Variants in MVB12B observed in about 807,000 individuals in gnomAD.
The protein encoded by MVB12B is ESCRT-I complex subunit MVB12B.
A neutral mutation model predicts 41.6 loss-of-function variants in MVB12B; 16 were observed. The ratio of observed to expected loss-of-function variants is 0.38; its 90% confidence interval spans 0.26 to 0.58. The LOEUF is 0.58. Among genes scored for constraint, MVB12B ranks in the 20% least tolerant of loss-of-function variants. MVB12B has a pLI of 0.62. For missense variants in MVB12B, 274 were observed against 380.2 expected (o/e 0.72, Z 2.32); for synonymous variants, 133 against 139.7 (o/e 0.95, Z 0.34).
intron 2 of MVB12B, among the ~76,000 whole-genome samples, chr9:126,366,185 G>A (rs918644994): frequency 6.6e-6 from 1 of 151,636 alleles, no homozygotes; most frequent in East Asian, 1.9e-4. Context: ...CACCATCTTT[G>A]TATGCCCTAC....
intron 6 of MVB12B, among the ~76,000 whole-genome samples, chr9:126,410,560 A>C (rs1286392837): frequency 6.6e-6 from 1 of 152,138 alleles, no homozygotes; most frequent in Non-Finnish European, 1.5e-5. Flanking sequence ...CATAGTCCTA[A>C]ATAATTACAG....
At chr9:126,501,771 CCCT>C (rs1196636336) in intron 9 of MVB12B, among the ~76,000 whole-genome samples, 1 of 152,210 alleles carries the variant, frequency 6.6e-6, no homozygotes, top group East Asian at 1.9e-4. Context: ...AGCCCTGCGG[CCCT>C]CCTCGCTCAT....
At chr9:126,439,738 A>G (rs1199036761) in intron 7 of MVB12B, among the ~76,000 whole-genome samples, 1 of 152,262 alleles carries the variant, frequency 6.6e-6, no homozygotes, top group Non-Finnish European at 1.5e-5. Context: ...AAGAGAATGC[A>G]TAAATCAGAG....
chr9:126,503,350 C>A lies in MVB12B; in HGVS notation c.*87C>A. ...TGCCCCCGCCTCCTCCTGCCGCCTC[C>A]GCCAGCCCTCCCTCCCACACTGCCC... On this transcript the variant is annotated 3_prime_UTR_variant, in exon 10 of 10. Coordinates refer to ENST00000361171, the MANE Select transcript of MVB12B (RefSeq NM_033446.3). 9.1e-7 allele frequency: 1 copy of A among 1,100,784 alleles called. No individual in the cohort carries two copies. Among genetic ancestry groups the A allele is most frequent in the Non-Finnish European group, 1.3e-6 (1 of 761,706 alleles). 68.2% of individuals were successfully genotyped at this position (1,100,784 alleles called of 1,614,324 possible).
chr9:126,442,091 G>A (rs1367002279), intron 7 of MVB12B, among the ~76,000 whole-genome samples: 1 of 152,130 alleles, frequency 6.6e-6, no homozygotes, highest in African/African-American at 2.4e-5. Context: ...TATATCCCTT[G>A]AATCTGAGAT....
intron 1 of MVB12B, among the ~76,000 whole-genome samples, chr9:126,330,883 C>G (rs1272065436): frequency 6.6e-6 from 1 of 152,008 alleles, no homozygotes; most frequent in East Asian, 1.9e-4. Flanking sequence ...TTGTGACTGG[C>G]TTGTTTAGTT....
chr9:126,499,079 T>C (rs1833895553), intron 9 of MVB12B, among the ~76,000 whole-genome samples: 1 of 152,196 alleles, frequency 6.6e-6, no homozygotes, highest in Non-Finnish European at 1.5e-5. Flanking sequence ...GTAGGTTCTA[T>C]TGCCCCCTCT....
In MVB12B at chr9:126,376,505, C is replaced by G; in HGVS notation, c.205-4559C>G. 7.8e-7 allele frequency: 1 copy of G among 1,289,126 alleles called. No homozygotes were observed. Among genetic ancestry groups the G allele is most frequent in the African/African-American group, 1.5e-5 (1 of 65,966 alleles). The allele number at this position is 1,289,126 out of a possible 1,614,324, so 79.9% of individuals were successfully genotyped here. A position where few individuals can be genotyped will look rare whatever the true frequency, so the allele number is the denominator to read the frequency against. ...GGTGGGGGGCCTGCTGGCTGGTGTG[C>G]TACACAGTGGGGCGACGAGCAGGGA... is the stretch of plus-strand genomic sequence containing the variant. On this transcript the variant is annotated intron_variant, in intron 2 of 9. Transcript: ENST00000361171. This position sits in a 1 kb window ranked among gnomAD's most constrained non-coding sequence, Gnocchi z 4.1.
In MVB12B at chr9:126,395,855, T is replaced by G; in HGVS notation, c.662+158T>G. 1 of 1,434,588 alleles carries G rather than the reference T, an allele frequency of 7.0e-7. No individual in the cohort carries two copies. The highest frequency in any genetic ancestry group is 1.5e-5 in the South Asian group (1 of 65,206). The allele number at this position is 1,434,588 out of a possible 1,614,324, so 88.9% of individuals were successfully genotyped here. A position where few individuals can be genotyped will look rare whatever the true frequency, so the allele number is the denominator to read the frequency against. On this transcript the variant is annotated intron_variant, in intron 6 of 9. Transcript: ENST00000361171. The surrounding 1 kb of genome is among the most constrained non-coding windows in gnomAD (Gnocchi z 4.9). ...TTAGAGGAGATTTTTAAAAATCCAC[T>G]TGGAAATCTTTGCATTACATGAATG... is the stretch of plus-strand genomic sequence containing the variant.
intron 2 of MVB12B, among the ~76,000 whole-genome samples, chr9:126,377,567 G>A (rs1462704251): frequency 2.6e-5 from 4 of 152,074 alleles, no homozygotes; most frequent in African/African-American, 2.4e-5. Context: ...TTTTCACACT[G>A]CCCTGATTGC....
At chr9:126,492,266 T>G (rs1564350746) in intron 9 of MVB12B, among the ~76,000 whole-genome samples, 1 of 150,750 alleles carries the variant, frequency 6.6e-6, no homozygotes, top group Non-Finnish European at 1.5e-5. Context: ...TTGTTCCCTT[T>G]TATGATTATG....
In MVB12B at chr9:126,478,569, G is replaced by A. The variant is rs999124506; in HGVS notation, c.758-2800G>A. 1.3e-5 allele frequency among the ~76,000 whole-genome samples: 2 copies of A among 152,210 alleles called. No individual in the cohort carries two copies. Among genetic ancestry groups the A allele is most frequent in the Non-Finnish European group, 2.9e-5 (2 of 68,032 alleles). The stretch of plus-strand genomic sequence containing the variant: ...ACTGGGAAGGACAGTTGAGGTACAA[G>A]CATAGAGGGAGGGAAGGGATGGGTA... On this transcript the variant is annotated intron_variant, in intron 7 of 9. Transcript: ENST00000361171. The surrounding 1 kb of genome is among the most constrained non-coding windows in gnomAD (Gnocchi z 4.2).
rs1231489677 is a variant in MVB12B at position 126,392,747 on chromosome 9, A to C, written c.539+552A>C. On this transcript the variant is annotated intron_variant, in intron 5 of 9. Coordinates refer to ENST00000361171, the MANE Select transcript of MVB12B (RefSeq NM_033446.3). The surrounding 1 kb of genome is among the most constrained non-coding windows in gnomAD (Gnocchi z 4.8). ...ACACTTGAGCAGAGACCTGAATGTCAGGAAACCAGCCATGCACAGATGTGA... is the reference window on the plus strand; with the variant it reads ...ACACTTGAGCAGAGACCTGAATGTCCGGAAACCAGCCATGCACAGATGTGA... 6.6e-6 allele frequency among the ~76,000 whole-genome samples: 1 copy of C among 152,250 alleles called. No individual in the cohort carries two copies. Among genetic ancestry groups the C allele is most frequent in the African/African-American group, 2.4e-5 (1 of 41,474 alleles).
chr9:126,366,140 C>T (rs985455415), intron 2 of MVB12B, among the ~76,000 whole-genome samples: 3 of 151,958 alleles, frequency 2.0e-5, no homozygotes, highest in African/African-American at 7.3e-5. Flanking sequence ...ATGCGGCCTC[C>T]GCCACCCTCC....
chr9:126,451,707 G>A (rs1224756914), intron 7 of MVB12B, among the ~76,000 whole-genome samples: 1 of 152,150 alleles, frequency 6.6e-6, no homozygotes, highest in African/African-American at 2.4e-5. Flanking sequence ...AGCAGGAAGA[G>A]AGGAGGCACA....
At chr9:126,370,235 C>T (rs1830297701) in intron 2 of MVB12B, among the ~76,000 whole-genome samples, 1 of 152,008 alleles carries the variant, frequency 6.6e-6, no homozygotes, top group Non-Finnish European at 1.5e-5. Flanking sequence ...GGACATGTGC[C>T]CTCTGAAGTG....
intron 7 of MVB12B, among the ~76,000 whole-genome samples, chr9:126,464,701 T>C (rs1208842142): frequency 6.6e-6 from 1 of 152,210 alleles, no homozygotes; most frequent in Non-Finnish European, 1.5e-5. Flanking sequence ...TCCACTTCCA[T>C]CTTCAGATGA....
chr9:126,488,361 A>T (rs76245379), intron 9 of MVB12B, among the ~76,000 whole-genome samples: 1 of 137,400 alleles, frequency 7.3e-6, no homozygotes, highest in African/African-American at 2.8e-5. Context: ...AAAAAAAAAA[A>T]AAAATAGAGT....
rs574553440 is a variant in MVB12B, at chr9:126,389,208, G to A, written c.409+2550G>A. On this transcript the variant is annotated intron_variant, in intron 4 of 9. Coordinates refer to ENST00000361171, the MANE Select transcript of MVB12B (RefSeq NM_033446.3). The surrounding 1 kb of genome is among the most constrained non-coding windows in gnomAD (Gnocchi z 4.4). Reference sequence around the variant, plus strand: ...TGTCACACAGGAGGGTGGGCAGCAGGGGGTCTCTTCATTTCTGGTTCTAGC... The same window carrying A: ...TGTCACACAGGAGGGTGGGCAGCAGAGGGTCTCTTCATTTCTGGTTCTAGC... Among the ~76,000 whole-genome samples the A allele has an allele frequency of 8.5e-5, 13 of 152,184 alleles. No individual in the cohort carries two copies. The South Asian group carries it at 2.7e-3, about 32-fold the overall frequency.
Sources: allele counts gnomAD v4.1 joint callset (sites outside exome capture counted in the v4.1 genomes callset), GRCh38; gene constraint gnomAD v4.1.1; non-coding constraint Gnocchi (gnomAD v3.1); transcripts MANE v1.5; gene names NCBI Gene and HGNC (gene_info 2026-07-23, HGNC 2026-07-21).